The following NTF3 variants were observed in gnomAD, a reference collection of about 807,000 sequenced individuals.
The protein encoded by NTF3 is neurotrophin-3.
A neutral mutation model predicts 26.3 loss-of-function variants in NTF3; 8 were observed. That is an observed-to-expected ratio of 0.30 (90% confidence interval 0.18 to 0.55). NTF3 has a LOEUF of 0.55. NTF3 is among the 20% of genes least tolerant of loss of function. The pLI is 0.93. For synonymous variants in NTF3, 154 were observed against 145.5 expected (o/e 1.06, Z -0.42); for missense variants, 276 against 352.9 (o/e 0.78, Z 1.75).
rs528146319 is a variant in NTF3, at chr12:5,491,405, C to T, written c.19-2789C>T. Among the ~76,000 whole-genome samples the T allele has an allele frequency of 2.6e-5, 4 of 152,274 alleles. No homozygotes were observed. In the South Asian group the frequency reaches 8.3e-4, roughly 32 times the overall value. ...GATGACTTACTCCCACTACTTATTA[C>T]AAAGTATCATGGCAAGTAAGAAAGA... On this transcript the variant is annotated intron_variant, in intron 1 of 1. Coordinates refer to ENST00000423158, the MANE Select transcript of NTF3 (RefSeq NM_001102654.2).
At chr12:5,446,110 C>G (rs938288328) in intron 1 of NTF3, among the ~76,000 whole-genome samples, 4 of 152,070 alleles carry the variant, frequency 2.6e-5, no homozygotes, top group Non-Finnish European at 4.4e-5. Context: ...GCTCCCAGAA[C>G]CAGATATTAT....
chr12:5,451,481 C>T (rs966312997), intron 1 of NTF3, among the ~76,000 whole-genome samples: 4 of 152,116 alleles, frequency 2.6e-5, no homozygotes, highest in East Asian at 1.9e-4. Context: ...GTAGTGATGA[C>T]GTACAGCATT....
chr12:5,431,516 C>A (rs1342941095), upstream of NTF3, among the ~76,000 whole-genome samples: 5 of 151,686 alleles, frequency 3.3e-5, no homozygotes, highest in African/African-American at 4.8e-5. Flanking sequence ...CGCCGGGGAG[C>A]GATTGTCCTT....
intron 1 of NTF3, among the ~76,000 whole-genome samples, chr12:5,473,913 T>C (rs1039349310): frequency 2.0e-5 from 3 of 152,196 alleles, no homozygotes; most frequent in African/African-American, 7.2e-5. Flanking sequence ...ACCCAGAAAC[T>C]CCTCCTACCT....
intron 1 of NTF3, among the ~76,000 whole-genome samples, chr12:5,473,756 A>G (rs555788163): frequency 6.6e-6 from 1 of 152,308 alleles, no homozygotes; most frequent in South Asian, 2.1e-4. Flanking sequence ...ATTCCCAAAG[A>G]GAGGCAACCA....
At chr12:5,472,525 C>T (rs546228811) in intron 1 of NTF3, among the ~76,000 whole-genome samples, 43 of 152,330 alleles carry the variant, frequency 2.8e-4, no homozygotes, top group African/African-American at 9.9e-4. Flanking sequence ...CTGCCACCCT[C>T]ACTTTCTCCC....
At chr12:5,488,478 C>G (rs1299087116) in intron 1 of NTF3, among the ~76,000 whole-genome samples, 3 of 152,218 alleles carry the variant, frequency 2.0e-5, no homozygotes, top group African/African-American at 7.2e-5. Context: ...TCCCAGCTCT[C>G]AGCTTTGTCA....
chr12:5,434,631 A>G (rs1940144723), intron 1 of NTF3, among the ~76,000 whole-genome samples: 1 of 152,060 alleles, frequency 6.6e-6, no homozygotes, highest in African/African-American at 2.4e-5. Context: ...GCAGGAACAT[A>G]GGTGTAGCTA....
chr12:5,466,318 C>T (rs1190570186), intron 1 of NTF3, among the ~76,000 whole-genome samples: 1 of 152,190 alleles, frequency 6.6e-6, no homozygotes, highest in African/African-American at 2.4e-5. Context: ...CAGCTATTGG[C>T]ATTCTGCTTA....
intron 1 of NTF3, among the ~76,000 whole-genome samples, chr12:5,441,785 A>G (rs1316493032): frequency 6.6e-6 from 1 of 152,228 alleles, no homozygotes; most frequent in African/African-American, 2.4e-5. Context: ...GCTTCAAAAC[A>G]GTGTTACCTT....
chr12:5,490,124 G>T (rs888258335), intron 1 of NTF3, among the ~76,000 whole-genome samples: 13 of 152,160 alleles, frequency 8.5e-5, no homozygotes, highest in South Asian at 6.2e-4. Context: ...TTATAGCCAA[G>T]AAGAGCCTGG....
At chr12:5,440,425 C>G (rs1378537311) in intron 1 of NTF3, among the ~76,000 whole-genome samples, 1 of 152,146 alleles carries the variant, frequency 6.6e-6, no homozygotes, top group Non-Finnish European at 1.5e-5. Flanking sequence ...TAAAAATATC[C>G]TTCTCTGGCT....
chr12:5,473,990 C>A (rs1940694637), intron 1 of NTF3, among the ~76,000 whole-genome samples: 1 of 152,182 alleles, frequency 6.6e-6, no homozygotes, highest in African/African-American at 2.4e-5. Context: ...TTGCTCTTGG[C>A]TCTGAATAAA....
At chr12:5,475,403 C>T (rs541265955) in intron 1 of NTF3, among the ~76,000 whole-genome samples, 15 of 152,212 alleles carry the variant, frequency 9.9e-5, no homozygotes, top group Middle Eastern at 3.4e-3. Flanking sequence ...GGGAATTCTA[C>T]TCTCTGGGAG....
At chr12:5,449,319 G>A (rs1366516382) in intron 1 of NTF3, among the ~76,000 whole-genome samples, 1 of 152,172 alleles carries the variant, frequency 6.6e-6, no homozygotes, top group Non-Finnish European at 1.5e-5. Context: ...GGACATCGAG[G>A]TTTTGGGAGA....
chr12:5,491,718 T>TC (rs976099611), intron 1 of NTF3, among the ~76,000 whole-genome samples: 1 of 53,838 alleles, frequency 1.9e-5, no homozygotes, highest in African/African-American at 6.2e-5. Flanking sequence ...CTCCTCTTCT[T>TC]TTTTTTTTTT....
chr12:5,466,330 G>T (rs1053069674), intron 1 of NTF3, among the ~76,000 whole-genome samples: 6 of 152,178 alleles, frequency 3.9e-5, no homozygotes, highest in African/African-American at 1.4e-4. Flanking sequence ...TTCTGCTTAC[G>T]TGCTGTTTCC....
intron 1 of NTF3, among the ~76,000 whole-genome samples, chr12:5,436,791 T>G (rs1940173569): frequency 2.0e-5 from 3 of 152,226 alleles, no homozygotes. Context: ...ATCCAGAAGC[T>G]GGAGGCAGCC....
At chr12:5,467,465 G>A (rs1392269194) in intron 1 of NTF3, among the ~76,000 whole-genome samples, 2 of 152,160 alleles carry the variant, frequency 1.3e-5, no homozygotes, top group African/African-American at 4.8e-5. Context: ...AGTGCTTGGT[G>A]TTCCTCCCCA....
Sources: allele counts gnomAD v4.1 joint callset (sites outside exome capture counted in the v4.1 genomes callset), GRCh38; gene constraint gnomAD v4.1.1; transcripts MANE v1.5; gene names NCBI Gene and HGNC (gene_info 2026-07-23, HGNC 2026-07-21).